The following CTNND2 variants were observed in gnomAD, a reference collection of about 807,000 sequenced individuals.
The protein encoded by CTNND2 is catenin delta 2.
In CTNND2, 22 loss-of-function variants were observed where a neutral mutation model predicts 144.4. The ratio of observed to expected loss-of-function variants is 0.15; its 90% CI spans 0.11 to 0.22. The LOEUF is 0.22. Among genes scored for constraint, CTNND2 ranks in the 10% least tolerant of loss-of-function variants. CTNND2 has a pLI of 1.00. For synonymous variants in CTNND2, 751 were observed against 695.6 expected, an observed-to-expected ratio of 1.08 and a Z score of -1.25; for missense variants, 1,353 against 1,618.8, an observed-to-expected ratio of 0.84 and a Z score of 2.82.
chr5:11,657,530 C>T (rs962789209), intron 2 of CTNND2, among the ~76,000 whole-genome samples: 18 of 151,804 alleles, frequency 1.2e-4, no homozygotes, highest in South Asian at 2.1e-4. Flanking sequence ...ATAAAATAAC[C>T]GTATGTATTA....
intron 1 of CTNND2, among the ~76,000 whole-genome samples, chr5:11,808,739 A>G (rs918995605): frequency 4.4e-4 from 67 of 152,084 alleles, no homozygotes; most frequent in African/African-American, 1.6e-3. Context: ...AACTTTCTAC[A>G]TTTTCCTAAC....
At chr5:11,590,974 G>A (rs911416871) in intron 2 of CTNND2, among the ~76,000 whole-genome samples, 2 of 152,190 alleles carry the variant, frequency 1.3e-5, no homozygotes, top group South Asian at 2.1e-4. Context: ...AGACCTAGAT[G>A]CTTTATTCAC....
At position 11,846,916 on chromosome 5, in the gene CTNND2, T is replaced by C. The variant is rs573709089; in HGVS notation, c.37+56901A>G. On this transcript the variant is annotated intron_variant, in intron 1 of 21. Coordinates refer to ENST00000304623, the MANE Select transcript of CTNND2 (RefSeq NM_001332.4). ...AGGTATCACCTAACCCCAGTTAGAA[T>C]GGCTATTATCAGAAAGACAAAAAAT... Among the ~76,000 whole-genome samples the C allele has an allele frequency of 2.6e-5, 4 of 151,908 alleles. 1 individual carries two copies. The highest frequency in any genetic ancestry group is 9.6e-5 in the African/African-American group (4 of 41,502).
intron 1 of CTNND2, among the ~76,000 whole-genome samples, chr5:11,799,543 T>C (rs1791568768): frequency 6.6e-6 from 1 of 152,144 alleles, no homozygotes; most frequent in South Asian, 2.1e-4. Flanking sequence ...TTACATCATT[T>C]TCAATGCATT....
At chr5:11,368,371 C>T (rs1427834455) in intron 7 of CTNND2, among the ~76,000 whole-genome samples, 3 of 152,150 alleles carry the variant, frequency 2.0e-5, no homozygotes, top group Non-Finnish European at 4.4e-5. Flanking sequence ...TCAGAACCTA[C>T]CTGACTACTG....
At chr5:11,135,994 C>T (rs900317112) in intron 12 of CTNND2, among the ~76,000 whole-genome samples, 3 of 152,202 alleles carry the variant, frequency 2.0e-5, no homozygotes, top group African/African-American at 7.2e-5. Context: ...ACCTAACCCC[C>T]AAGGTGATGG....
chr5:11,827,153 G>C (rs1793647227), intron 1 of CTNND2, among the ~76,000 whole-genome samples: 1 of 152,110 alleles, frequency 6.6e-6, no homozygotes, highest in Non-Finnish European at 1.5e-5. Context: ...AATTAAGTTT[G>C]CAACTTACAA....
At chr5:11,888,301 A>C (rs948044454) in intron 1 of CTNND2, among the ~76,000 whole-genome samples, 4 of 152,214 alleles carry the variant, frequency 2.6e-5, no homozygotes, top group Non-Finnish European at 5.9e-5. Flanking sequence ...AGACCCAGGA[A>C]AGGTAGAATG....
chr5:11,403,026 T>G (rs962130988), intron 5 of CTNND2, among the ~76,000 whole-genome samples: 8 of 152,124 alleles, frequency 5.3e-5, no homozygotes, highest in Admixed American at 2.6e-4. Context: ...GTCACTCAAC[T>G]TTTTTTCTTT....
At chr5:11,240,917 T>C (rs1242132694) in intron 9 of CTNND2, among the ~76,000 whole-genome samples, 7 of 85,378 alleles carry the variant, frequency 8.2e-5, no homozygotes, top group South Asian at 4.4e-4. Flanking sequence ...AGCACACACA[T>C]CCCCAACACA....
At chr5:11,455,018 T>G (rs1370589570) in intron 3 of CTNND2, among the ~76,000 whole-genome samples, 3 of 151,996 alleles carry the variant, frequency 2.0e-5, no homozygotes, top group Admixed American at 6.6e-5. Flanking sequence ...TTTTTTTTTT[T>G]GCAGTGTAAC....
chr5:11,099,146 A>G (rs1472709434), intron 14 of CTNND2, among the ~76,000 whole-genome samples: 1 of 152,262 alleles, frequency 6.6e-6, no homozygotes, highest in Non-Finnish European at 1.5e-5. Context: ...CCAGTGTTGC[A>G]TAATAGTTAC....
intron 11 of CTNND2, among the ~76,000 whole-genome samples, chr5:11,183,644 G>A (rs755969611): frequency 4.6e-5 from 7 of 150,670 alleles, no homozygotes; most frequent in Admixed American, 1.3e-4. Flanking sequence ...TGCAACCTCC[G>A]CCTCCTGGGT....
chr5:11,046,515 A>C (rs1458807671), intron 16 of CTNND2, among the ~76,000 whole-genome samples: 1 of 152,194 alleles, frequency 6.6e-6, no homozygotes, highest in Non-Finnish European at 1.5e-5. Context: ...TTAAACCAAC[A>C]CACTGCTTGA....
At chr5:11,570,136 ACTC>A (rs1400670201) in intron 2 of CTNND2, among the ~76,000 whole-genome samples, 2 of 152,090 alleles carry the variant, frequency 1.3e-5, no homozygotes, top group Non-Finnish European at 2.9e-5. Context: ...CAAACCCCAA[ACTC>A]CTCCGATTTG....
At chr5:11,829,032 C>A (rs1793749340) in intron 1 of CTNND2, among the ~76,000 whole-genome samples, 1 of 152,080 alleles carries the variant, frequency 6.6e-6, no homozygotes, top group Non-Finnish European at 1.5e-5. Flanking sequence ...CATTTTGTCC[C>A]TGCCCTAGAG....
At chr5:11,122,481 C>A (rs888188959) in intron 12 of CTNND2, among the ~76,000 whole-genome samples, 1 of 151,944 alleles carries the variant, frequency 6.6e-6, no homozygotes, top group Non-Finnish European at 1.5e-5. Flanking sequence ...CTCTCCCTCA[C>A]CTTCTCCTTG....
At chr5:11,704,722 T>C (rs966197429) in intron 2 of CTNND2, among the ~76,000 whole-genome samples, 1 of 151,830 alleles carries the variant, frequency 6.6e-6, no homozygotes. Flanking sequence ...GGAGGCCCTA[T>C]GTCCAGCCCA....
At chr5:11,714,270 C>T (rs1786215621) in intron 2 of CTNND2, among the ~76,000 whole-genome samples, 1 of 152,074 alleles carries the variant, frequency 6.6e-6, no homozygotes, top group African/African-American at 2.4e-5. Context: ...TGCCTCAACA[C>T]CTCTTTAAAT....
Sources: gnomAD v4.1 joint callset for allele counts (sites outside exome capture counted in the v4.1 genomes callset) on GRCh38, gnomAD v4.1.1 for gene constraint, MANE v1.5 for transcripts, NCBI Gene and HGNC (gene_info 2026-07-23, HGNC 2026-07-21) for gene names.